The following NAA60 variants were observed in gnomAD, a reference collection of about 807,000 sequenced individuals.
NAA60 encodes the protein N-alpha-acetyltransferase 60.
NAA60 carries 8 observed loss-of-function variants against 26.1 expected under a neutral mutation model. The ratio of observed to expected loss-of-function variants is 0.31; its 90% CI spans 0.18 to 0.55. The LOEUF (loss-of-function observed/expected upper bound fraction) is 0.55, where lower values mean the gene tolerates loss of function less well. Among genes scored for constraint, NAA60 ranks in the 20% least tolerant of loss-of-function variants. The pLI is 0.93. For missense variants in NAA60, 290 were observed against 311.3 expected (o/e 0.93, Z 0.51); for synonymous variants, 131 against 122.5 (o/e 1.07, Z -0.46).
intron 2 of NAA60, among the ~76,000 whole-genome samples, chr16:3,461,135 A>G (rs1286649704): frequency 6.6e-6 from 1 of 150,778 alleles, no homozygotes; most frequent in Non-Finnish European, 1.5e-5. Flanking sequence ...CAGAAGCCCA[A>G]ATATCTTACA....
intron 5 of NAA60, 26 bp downstream of exon 5, chr16:3,482,624 G>C: frequency 6.5e-7 from 1 of 1,537,550 alleles, no homozygotes; most frequent in Non-Finnish European, 8.8e-7. Flanking sequence ...CCCGCGGCTT[G>C]GCGCCCACCC....
chr16:3,479,735 A>G (rs965953661), intron 4 of NAA60, 135 bp downstream of exon 4: 6 of 955,918 alleles, frequency 6.3e-6, no homozygotes, highest in African/African-American at 4.9e-5. Context: ...CAAGTGGCCA[A>G]CGACACTTGT....
At chr16:3,450,286 G>A (rs2150946687) in intron 2 of NAA60, 1 of 277,566 alleles carries the variant, frequency 3.6e-6, no homozygotes, top group South Asian at 1.7e-4. Context: ...CAAGCCACAG[G>A]GCTTGCCATG....
At chr16:3,460,000 G>A (rs556120848) in intron 2 of NAA60, among the ~76,000 whole-genome samples, 27 of 152,358 alleles carry the variant, frequency 1.8e-4, no homozygotes, top group African/African-American at 6.3e-4. Context: ...ATTGTGCCCT[G>A]TTCTTGCTAA....
Position 3,455,225 on chromosome 16 carries a change from T to G in NAA60, c.-7+6685T>G, listed in dbSNP as rs186917601. ...TACCACCATGCTCAGCAAATTTTTT[T>G]TTGTTGTTGTATTTTTAGTAGAGAT... On this transcript the variant is annotated intron_variant, in intron 2 of 7. Transcript: ENST00000407558. Among the ~76,000 whole-genome samples the G allele has an allele frequency of 1.2e-3, 188 of 151,798 alleles. 1 individual carries two copies. Among genetic ancestry groups the G allele is most frequent in the African/African-American group, 3.6e-3 (151 of 41,404 alleles).
At chr16:3,477,364 C>T (rs2036546443) in intron 3 of NAA60, among the ~76,000 whole-genome samples, 1 of 152,224 alleles carries the variant, frequency 6.6e-6, no homozygotes, top group African/African-American at 2.4e-5. Context: ...TGCCAGCCAC[C>T]AGCATTTCCT....
Position 3,484,792 on chromosome 16 carries a change from C to T in NAA60, c.666C>T (p.Cys222=). The part of the protein sequence containing the change: ...RVYRQAHSLL[C]SFLPWSGISS... ...ACCGCCAGGCCCACAGCCTGCTCTGCAGCTTCCTGCCATGGTCGGGCATCT... is the reference window on the plus strand; with the variant it reads ...ACCGCCAGGCCCACAGCCTGCTCTGTAGCTTCCTGCCATGGTCGGGCATCT... The change falls in exon 7 of 8, where the codon TGC becomes TGT. Residue 222 remains cysteine, a synonymous_variant. Transcript: ENST00000407558. The T allele has an allele frequency of 6.3e-7, 1 of 1,583,240 alleles. No homozygotes were observed. Among genetic ancestry groups the T allele is most frequent in the South Asian group, 1.2e-5 (1 of 86,574 alleles).
chr16:3,446,620 T>TG (rs2034567868), intron 1 of NAA60, among the ~76,000 whole-genome samples: 1 of 41,850 alleles, frequency 2.4e-5, no homozygotes. Context: ...TTATTATTTG[T>TG]TTTTTTTTTT....
intron 2 of NAA60, among the ~76,000 whole-genome samples, chr16:3,450,497 G>A (rs568952222): frequency 3.3e-5 from 5 of 152,048 alleles, no homozygotes; most frequent in South Asian, 4.2e-4. Context: ...TCAGGAGATC[G>A]AGACCATCCT....
Position 3,483,616 on chromosome 16 carries a change from G to C in NAA60, c.572+19G>C, listed in dbSNP as rs1567402062. On this transcript the variant is annotated intron_variant, in intron 6 of 7. Coordinates refer to ENST00000407558, the MANE Select transcript of NAA60 (RefSeq NM_001083601.3). ...CGATTTTATATCCTTAACTTCTGGG[G>C]GAGAGGGACTGTGGCTTCCTGTCCA... The C allele has an allele frequency of 2.5e-6, 4 of 1,585,860 alleles. No homozygotes were observed. The highest frequency in any genetic ancestry group is 3.5e-6 in the Non-Finnish European group (4 of 1,156,450).
chr16:3,482,821 C>T (rs1452970749), intron 5 of NAA60: 2 of 587,628 alleles, frequency 3.4e-6, no homozygotes, highest in Non-Finnish European at 6.1e-6. Flanking sequence ...CCACATGCCC[C>T]CAGGCCTTTC....
chr16:3,458,847 A>T (rs998080263), intron 2 of NAA60, among the ~76,000 whole-genome samples: 12 of 152,198 alleles, frequency 7.9e-5, no homozygotes, highest in South Asian at 2.1e-4. Context: ...CTTCCCAGGG[A>T]GTAAAGGGAA....
At chr16:3,457,250 A>G (rs2035038608) in intron 2 of NAA60, among the ~76,000 whole-genome samples, 1 of 152,102 alleles carries the variant, frequency 6.6e-6, no homozygotes, top group South Asian at 2.1e-4. Flanking sequence ...GTTCAAGACC[A>G]GCCTGGGCAA....
chr16:3,454,941 G>A (rs1050096235), intron 2 of NAA60, among the ~76,000 whole-genome samples: 12 of 152,224 alleles, frequency 7.9e-5, no homozygotes, highest in African/African-American at 2.9e-4. Flanking sequence ...GACACATGGT[G>A]CCTAACCGAA....
At chr16:3,456,834 G>C (rs1413711984) in intron 2 of NAA60, 1 of 152,160 alleles carries the variant, frequency 6.6e-6, no homozygotes, top group African/African-American at 2.4e-5. Flanking sequence ...TTGTCGCGCA[G>C]GCTGGAGTGC....
chr16:3,478,258 C>T (rs940779219), intron 3 of NAA60, among the ~76,000 whole-genome samples: 1 of 152,080 alleles, frequency 6.6e-6, no homozygotes, highest in Non-Finnish European at 1.5e-5. Flanking sequence ...AAAACGTGTT[C>T]TTCAGCCCAG....
intron 2 of NAA60, among the ~76,000 whole-genome samples, chr16:3,462,221 C>A (rs1345627708): frequency 1.3e-5 from 2 of 151,550 alleles, no homozygotes; most frequent in Non-Finnish European, 2.9e-5. Flanking sequence ...AAAGTATTGA[C>A]ACTGGGGCCC....
chr16:3,448,760 G>A, intron 2 of NAA60: 1 of 466,988 alleles, frequency 2.1e-6, no homozygotes, highest in Non-Finnish European at 3.8e-6. Flanking sequence ...TACAGTACAA[G>A]TATGCCAGCC....
chr16:3,456,272 G>A (rs959608854), intron 2 of NAA60, among the ~76,000 whole-genome samples: 3 of 152,156 alleles, frequency 2.0e-5, no homozygotes, highest in Non-Finnish European at 4.4e-5. Context: ...GAGTCCTGAG[G>A]TTCTGCATTT....
Sources: allele counts gnomAD v4.1 joint callset (sites outside exome capture counted in the v4.1 genomes callset), GRCh38; gene constraint gnomAD v4.1.1; transcripts MANE v1.5; gene names NCBI Gene and HGNC (gene_info 2026-07-23, HGNC 2026-07-21).